Variants in VAV3 observed in about 807,000 individuals in gnomAD.
VAV3 encodes the protein guanine nucleotide exchange factor VAV3.
A neutral mutation model predicts 131.2 loss-of-function variants in VAV3; 94 were observed. The ratio of observed to expected loss-of-function variants is 0.72; its 90% CI spans 0.61 to 0.85. The LOEUF is 0.85. Ranked by LOEUF, VAV3 falls within the 40% of genes least tolerant of loss-of-function variation. The probability of loss-of-function intolerance (pLI) is 0.00; values close to 1 mark genes in which losing one functional copy is unlikely to be tolerated. For missense variants in VAV3, 939 were observed against 1,002.7 expected (o/e 0.94, Z 0.86); for synonymous variants, 349 against 342.0 (o/e 1.02, Z -0.22).
At chr1:107,960,869 T>C (rs1675049929) in intron 1 of VAV3, among the ~76,000 whole-genome samples, 1 of 152,124 alleles carries the variant, frequency 6.6e-6, no homozygotes, top group African/African-American at 2.4e-5. Flanking sequence ...TTCTCTCTAG[T>C]TCCTAACTCA....
chr1:107,665,564 A>C (rs946913266), intron 19 of VAV3, among the ~76,000 whole-genome samples: 7 of 152,200 alleles, frequency 4.6e-5, no homozygotes, highest in African/African-American at 1.4e-4. Context: ...AGGAGCTATC[A>C]GTCTAGCAAG....
intron 17 of VAV3, among the ~76,000 whole-genome samples, chr1:107,702,766 A>G (rs186329244): frequency 1.3e-5 from 2 of 150,040 alleles, no homozygotes; most frequent in East Asian, 2.0e-4. Context: ...CATGAAAACA[A>G]TAAAAATACT....
chr1:107,954,440 C>T (rs1441592297), intron 1 of VAV3, among the ~76,000 whole-genome samples: 1 of 152,032 alleles, frequency 6.6e-6, no homozygotes, highest in Non-Finnish European at 1.5e-5. Context: ...TTTCCTTTTC[C>T]CATTATATAC....
intron 2 of VAV3, among the ~76,000 whole-genome samples, chr1:107,832,547 G>A (rs934398920): frequency 6.6e-6 from 1 of 152,108 alleles, no homozygotes; most frequent in Admixed American, 6.5e-5. Flanking sequence ...TTCTATCTGA[G>A]TCTTTTATAA....
intron 1 of VAV3, among the ~76,000 whole-genome samples, chr1:107,923,443 A>C (rs1266457778): frequency 6.6e-6 from 1 of 152,210 alleles, no homozygotes; most frequent in Non-Finnish European, 1.5e-5. Context: ...GAATGAAATT[A>C]GTGACCTTAT....
chr1:107,591,525 T>C (rs1324048560), intron 25 of VAV3, among the ~76,000 whole-genome samples: 1 of 152,178 alleles, frequency 6.6e-6, no homozygotes, highest in Non-Finnish European at 1.5e-5. Flanking sequence ...TACATGCTAG[T>C]GTTCCACACG....
At position 107,776,950 on chromosome 1, in the gene VAV3, T is replaced by C. The variant is rs1242558860; in HGVS notation, c.446+281A>G. Among the ~76,000 whole-genome samples the C allele has an allele frequency of 2.6e-5, 4 of 152,272 alleles. No homozygotes were observed. The East Asian group carries it at 7.7e-4, about 29-fold the overall frequency. On this transcript the variant is annotated intron_variant, in intron 4 of 26. Coordinates refer to ENST00000370056, the MANE Select transcript of VAV3 (RefSeq NM_006113.5). Reference sequence around the variant, plus strand: ...ATTCTATTTCTTTTAAATTGTTCCCTAACTCCAGTTTTATCTACTACTTCT... The same window carrying C: ...ATTCTATTTCTTTTAAATTGTTCCCCAACTCCAGTTTTATCTACTACTTCT...
chr1:107,803,445 T>C (rs1317824117), intron 2 of VAV3, among the ~76,000 whole-genome samples: 2 of 152,072 alleles, frequency 1.3e-5, no homozygotes, highest in East Asian at 3.8e-4. Flanking sequence ...TGGTATGTCA[T>C]ATTTCCACTT....
At chr1:107,888,956 C>T (rs1455814357) in intron 1 of VAV3, among the ~76,000 whole-genome samples, 9 of 152,062 alleles carry the variant, frequency 5.9e-5, no homozygotes, top group East Asian at 3.9e-4. Flanking sequence ...TTACAATCGG[C>T]GGCTTAGAGA....
chr1:107,909,626 A>G (rs1321156620), intron 1 of VAV3, among the ~76,000 whole-genome samples: 3 of 152,218 alleles, frequency 2.0e-5, no homozygotes, highest in East Asian at 3.8e-4. Flanking sequence ...CGAAAAACTT[A>G]TGGTGTAATC....
At chr1:107,630,914 C>G (rs1654418892) in intron 20 of VAV3, among the ~76,000 whole-genome samples, 1 of 152,110 alleles carries the variant, frequency 6.6e-6, no homozygotes. Context: ...TGAGTAAGTA[C>G]AGATTCAACC....
chr1:107,644,030 C>T (rs1368016692), intron 19 of VAV3, among the ~76,000 whole-genome samples: 2 of 152,054 alleles, frequency 1.3e-5, no homozygotes, highest in Non-Finnish European at 2.9e-5. Context: ...TTTAATCTCA[C>T]ATTCATGGAG....
chr1:107,844,512 G>C (rs1001222258), intron 2 of VAV3, among the ~76,000 whole-genome samples: 1 of 152,158 alleles, frequency 6.6e-6, no homozygotes, highest in African/African-American at 2.4e-5. Flanking sequence ...CCAGGAAGCC[G>C]AGTGGTCTTG....
At chr1:107,761,075 G>A (rs1049921465) in intron 9 of VAV3, among the ~76,000 whole-genome samples, 196 bp from the exon 10 acceptor site, 1 of 152,092 alleles carries the variant, frequency 6.6e-6, no homozygotes, top group Non-Finnish European at 1.5e-5. Flanking sequence ...ATGAATAAAA[G>A]AGAACTATTT....
chr1:107,946,088 G>A (rs985444492), intron 1 of VAV3, among the ~76,000 whole-genome samples: 1 of 152,032 alleles, frequency 6.6e-6, no homozygotes, highest in African/African-American at 2.4e-5. Flanking sequence ...GGGTTCACTC[G>A]ATAAGATTAA....
At chr1:107,619,393 A>G (rs1570624430) in intron 20 of VAV3, among the ~76,000 whole-genome samples, 1 of 152,196 alleles carries the variant, frequency 6.6e-6, no homozygotes, top group Non-Finnish European at 1.5e-5. Context: ...TGTTTCATTC[A>G]GCTGTGTTTA....
intron 1 of VAV3, among the ~76,000 whole-genome samples, chr1:107,892,827 T>C (rs923156556): frequency 3.3e-5 from 5 of 152,220 alleles, no homozygotes; most frequent in Admixed American, 1.3e-4. Context: ...ATAACCTTTT[T>C]CTTGGCCTAG....
chr1:107,638,578 G>A (rs1168303641), intron 20 of VAV3, among the ~76,000 whole-genome samples: 1 of 152,124 alleles, frequency 6.6e-6, no homozygotes, highest in Non-Finnish European at 1.5e-5. Context: ...AGAAGACTCA[G>A]TCTTGTTAGG....
intron 24 of VAV3, among the ~76,000 whole-genome samples, chr1:107,597,475 C>A (rs1225566985): frequency 6.6e-6 from 1 of 152,150 alleles, no homozygotes; most frequent in Non-Finnish European, 1.5e-5. Context: ...AGCCTCCTGC[C>A]ATTGAGGAAT....
Sources: allele counts gnomAD v4.1 joint callset (sites outside exome capture counted in the v4.1 genomes callset), GRCh38; gene constraint gnomAD v4.1.1; transcripts MANE v1.5; gene names NCBI Gene and HGNC (gene_info 2026-07-23, HGNC 2026-07-21).